The following PAK5 variants were observed in gnomAD, a reference collection of about 807,000 sequenced individuals.
The protein encoded by PAK5 is serine/threonine-protein kinase PAK 5.
A neutral mutation model predicts 65.9 loss-of-function variants in PAK5; 16 were observed. That is an observed-to-expected ratio of 0.24 (90% CI 0.16 to 0.37). The LOEUF is 0.37. Among genes scored for constraint, PAK5 ranks in the 10% least tolerant of loss-of-function variants. The pLI is 1.00. For missense variants in PAK5, 785 were observed against 903.9 expected, an observed-to-expected ratio of 0.87 and a Z score of 1.69; for synonymous variants, 371 against 354.9, an observed-to-expected ratio of 1.05 and a Z score of -0.51.
chr20:9,579,116 G>T (rs1276978831), intron 4 of PAK5, among the ~76,000 whole-genome samples: 1 of 152,136 alleles, frequency 6.6e-6, no homozygotes, highest in Non-Finnish European at 1.5e-5. Context: ...AATAAATCAG[G>T]TGAATGCAGG....
At chr20:9,824,095 T>C (rs2049456998) in intron 1 of PAK5, among the ~76,000 whole-genome samples, 1 of 152,230 alleles carries the variant, frequency 6.6e-6, no homozygotes, top group Admixed American at 6.5e-5. Context: ...GCTCAATCAT[T>C]GTTTTAACTC....
chr20:9,660,511 T>C (rs972668973), intron 2 of PAK5, among the ~76,000 whole-genome samples: 1 of 151,080 alleles, frequency 6.6e-6, no homozygotes, highest in Non-Finnish European at 1.5e-5. Context: ...AATAAACAAG[T>C]AAATAGGAAA....
intron 2 of PAK5, among the ~76,000 whole-genome samples, chr20:9,672,809 T>TATACAGATAGGAAGTATAG (rs2047518404): frequency 6.6e-6 from 1 of 152,204 alleles, no homozygotes; most frequent in Non-Finnish European, 1.5e-5. Flanking sequence ...TTTGCCCACA[T>TATACAGATAGGAAGTATAG]ATACAGATAG....
chr20:9,780,402 A>G (rs1327491522), intron 1 of PAK5, among the ~76,000 whole-genome samples: 3 of 152,184 alleles, frequency 2.0e-5, no homozygotes, highest in East Asian at 3.9e-4. Flanking sequence ...TCTTTTACTA[A>G]CTCCATTTCT....
At position 9,644,132 on chromosome 20, in the gene PAK5, G is replaced by A; in HGVS notation, c.197C>T (p.Pro66Leu). ...PSCITPIQLA[P>L]MKTIVRGNKP... ...ATGGAGCCCTCACCATACCTTCATA[G>A]GAGCCAGCTGGATGGGTGTGATGCA... The change falls in exon 3 of 10, where the codon CCT becomes CTT. Residue 66 changes from proline to leucine, a missense_variant. Pro to Leu is a moderately conservative substitution (Grantham distance 98). Transcript: ENST00000353224. The A allele has an allele frequency of 6.2e-7, 1 of 1,613,554 alleles. No individual in the cohort carries two copies. The highest frequency in any genetic ancestry group is 8.5e-7 in the Non-Finnish European group (1 of 1,179,532).
At chr20:9,785,889 A>C (rs1286254838) in intron 1 of PAK5, among the ~76,000 whole-genome samples, 2 of 152,160 alleles carry the variant, frequency 1.3e-5, no homozygotes, top group African/African-American at 4.8e-5. Flanking sequence ...TCAAGGTCAG[A>C]AAAGTAGTGT....
intron 1 of PAK5, among the ~76,000 whole-genome samples, chr20:9,788,654 G>A (rs1243939656): frequency 6.6e-6 from 1 of 152,108 alleles, no homozygotes; most frequent in Non-Finnish European, 1.5e-5. Flanking sequence ...TCATATCCAA[G>A]CCACTGTTGT....
chr20:9,659,881 A>T (rs954828349), intron 2 of PAK5, among the ~76,000 whole-genome samples: 6 of 151,976 alleles, frequency 3.9e-5, no homozygotes, highest in Admixed American at 2.0e-4. Flanking sequence ...ATGTATAGAA[A>T]CCCCTGCTAT....
At chr20:9,633,488 G>C (rs1395303076) in intron 3 of PAK5, among the ~76,000 whole-genome samples, 1 of 152,056 alleles carries the variant, frequency 6.6e-6, no homozygotes, top group South Asian at 2.1e-4. Context: ...AAAACTATTT[G>C]TTATTATAAG....
chr20:9,540,619 G>A (rs910488628), intron 9 of PAK5, among the ~76,000 whole-genome samples: 1 of 152,102 alleles, frequency 6.6e-6, no homozygotes, highest in Non-Finnish European at 1.5e-5. Flanking sequence ...AAACAACCTC[G>A]GACTGGTTTC....
intron 1 of PAK5, among the ~76,000 whole-genome samples, chr20:9,826,409 G>A (rs1245679288): frequency 6.6e-6 from 1 of 152,158 alleles, no homozygotes; most frequent in Non-Finnish European, 1.5e-5. Context: ...TTACCTAGGG[G>A]TTAGTAGGCT....
intron 1 of PAK5, among the ~76,000 whole-genome samples, chr20:9,816,331 T>A (rs2049356347): frequency 6.6e-6 from 1 of 152,212 alleles, no homozygotes; most frequent in African/African-American, 2.4e-5. Flanking sequence ...AAATAAAGGT[T>A]AACTGCTGTG....
intron 1 of PAK5, among the ~76,000 whole-genome samples, chr20:9,777,293 C>T (rs1365120925): frequency 2.6e-5 from 4 of 152,214 alleles, no homozygotes; most frequent in Non-Finnish European, 4.4e-5. Flanking sequence ...CAAATCTCCT[C>T]TTGAATTGTA....
intron 1 of PAK5, among the ~76,000 whole-genome samples, chr20:9,805,507 T>C (rs928258017): frequency 2.0e-5 from 3 of 152,160 alleles, no homozygotes; most frequent in Admixed American, 2.0e-4. Context: ...AAACAAGATG[T>C]GGTATATTCA....
intron 1 of PAK5, among the ~76,000 whole-genome samples, chr20:9,743,347 G>T (rs1462261120): frequency 6.6e-6 from 1 of 151,630 alleles, no homozygotes; most frequent in East Asian, 2.0e-4. Context: ...TCCAGCATGG[G>T]TGACAGATAG....
intron 3 of PAK5, among the ~76,000 whole-genome samples, chr20:9,606,948 A>G (rs2046466286): frequency 6.6e-6 from 1 of 152,226 alleles, no homozygotes; most frequent in Non-Finnish European, 1.5e-5. Flanking sequence ...GTGTGCATCT[A>G]GAACAAAGAG....
At chr20:9,581,738 A>G (rs6056715) in intron 3 of PAK5, among the ~76,000 whole-genome samples, 45,655 of 152,056 alleles carry the variant, frequency 0.3, 7,252 homozygotes, top group African/African-American at 0.4. Flanking sequence ...GAACTGAAAG[A>G]CATCGCAAAC....
intron 1 of PAK5, among the ~76,000 whole-genome samples, chr20:9,761,561 A>G (rs117982540): frequency 6.6e-6 from 1 of 152,152 alleles, no homozygotes; most frequent in African/African-American, 2.4e-5. Context: ...AATTCATATG[A>G]AACCACAAAG....
chr20:9,668,621 A>G (rs998428945), intron 2 of PAK5, among the ~76,000 whole-genome samples: 6 of 152,352 alleles, frequency 3.9e-5, no homozygotes, highest in African/African-American at 1.2e-4. Flanking sequence ...TTACGAGAGC[A>G]TAACACTGAG....
Sources: gnomAD v4.1 joint callset for allele counts (sites outside exome capture counted in the v4.1 genomes callset) on GRCh38, gnomAD v4.1.1 for gene constraint, MANE v1.5 for transcripts, NCBI Gene and HGNC (gene_info 2026-07-23, HGNC 2026-07-21) for gene names.